GAK: variants seen among roughly 807,000 people sequenced by gnomAD.
GAK encodes cyclin G associated kinase, also known as cyclin-G-associated kinase.
GAK carries 79 observed loss-of-function variants against 143.9 expected under a neutral mutation model. That is an observed-to-expected ratio of 0.55 (90% CI 0.46 to 0.66). GAK has a LOEUF of 0.66. Ranked by LOEUF, GAK falls within the 30% of genes least tolerant of loss-of-function variation. GAK has a pLI of 0.00. For missense variants in GAK, 1,693 were observed against 1,779.7 expected (o/e 0.95, Z 0.88); for synonymous variants, 881 against 765.5 (o/e 1.15, Z -2.49).
At chr4:859,317 T>C in intron 24 of GAK, 1 of 1,355,702 alleles carries the variant, frequency 7.4e-7, no homozygotes, top group Non-Finnish European at 9.7e-7. Context: ...AGACCCCGCC[T>C]CCCCGATGGC....
intron 24 of GAK, chr4:853,565 C>G (rs1386460804): frequency 6.6e-6 from 1 of 151,818 alleles, no homozygotes; most frequent in African/African-American, 2.4e-5. Context: ...GTCCCCCCGG[C>G]AAGGCGTGAG....
chr4:888,682 C>G (rs1005187879), intron 11 of GAK, 165 bp downstream of exon 11: 5 of 787,140 alleles, frequency 6.4e-6, no homozygotes, highest in Non-Finnish European at 9.8e-6. Flanking sequence ...GGATGCTGGG[C>G]TCATTCCGAC....
intron 25 of GAK, 195 bp from the exon 26 acceptor site, chr4:851,279 G>A (rs1007272890): frequency 2.6e-5 from 13 of 493,174 alleles, no homozygotes; most frequent in African/African-American, 1.7e-4. Context: ...TACATTTTTT[G>A]TAGAGAGGAG....
At chr4:860,448 G>A (rs1233686599) in intron 23 of GAK, among the ~76,000 whole-genome samples, 1 of 151,792 alleles carries the variant, frequency 6.6e-6, no homozygotes, top group Non-Finnish European at 1.5e-5. Flanking sequence ...TCTATTTGAG[G>A]AAAAAGATGA....
intron 5 of GAK, among the ~76,000 whole-genome samples, chr4:902,001 GC>G: frequency 6.6e-6 from 1 of 152,358 alleles, no homozygotes; most frequent in East Asian, 1.9e-4. Flanking sequence ...ACTGTGGGAG[GC>G]CAAGGCGGGA....
Position 849,338 on chromosome 4 carries a change from A to C in GAK, c.*335T>G, listed in dbSNP as rs1326997048. ...CGGGACTGATTACAAAGTGCGGTGC[A>C]AACACCAGGGCCCATGAGCGCCAGC... On this transcript the variant is annotated 3_prime_UTR_variant, in exon 28 of 28. Coordinates refer to ENST00000314167, the MANE Select transcript of GAK (RefSeq NM_005255.4). 2 of 380,588 alleles carry C rather than the reference A, an allele frequency of 5.3e-6. No homozygotes were observed. The highest frequency in any genetic ancestry group is 9.9e-6 in the Non-Finnish European group (2 of 202,376). The allele number at this position is 380,588 out of a possible 1,614,324, so 23.6% of individuals were successfully genotyped here.
chr4:903,951 G>A lies in GAK; in HGVS notation c.525+686C>T, dbSNP rs113726611. 9.8e-3 allele frequency among the ~76,000 whole-genome samples: 1,489 copies of A among 152,356 alleles called. 26 individuals are homozygous for A. Among genetic ancestry groups the A allele is most frequent in the African/African-American group, 0.033 (1,355 of 41,578 alleles). On this transcript the variant is annotated intron_variant, in intron 5 of 27. Coordinates refer to ENST00000314167, the MANE Select transcript of GAK (RefSeq NM_005255.4). ...GTCGGCAAAGGCCTGTGAGACAGAT[G>A]CTAATTTTCTTCAGGGCTGGAAAAG...
chr4:851,191 G>A (rs1396685443), intron 25 of GAK, 107 bp from the exon 26 acceptor site: 13 of 928,706 alleles, frequency 1.4e-5, no homozygotes, highest in African/African-American at 3.3e-5. Flanking sequence ...TTTGCCTCCC[G>A]GCCTCAAGCG....
At chr4:858,445 G>A (rs563502719) in intron 24 of GAK, among the ~76,000 whole-genome samples, 21 of 152,158 alleles carry the variant, frequency 1.4e-4, no homozygotes, top group African/African-American at 1.7e-4. Flanking sequence ...CCCCAGTGCC[G>A]GCTGCCCAGG....
intron 5 of GAK, among the ~76,000 whole-genome samples, chr4:898,857 C>T (rs2003919): frequency 0.036 from 5,285 of 144,944 alleles, 178 homozygotes; most frequent in East Asian, 0.19. Flanking sequence ...GGCAAGACTC[C>T]GACTCAAAAA....
intron 18 of GAK, among the ~76,000 whole-genome samples, chr4:874,048 G>A (rs1713283527): frequency 6.6e-6 from 1 of 152,112 alleles, no homozygotes; most frequent in African/African-American, 2.4e-5. Context: ...ATCTGCCCTA[G>A]GGATTGGTAC....
intron 5 of GAK, among the ~76,000 whole-genome samples, chr4:899,422 C>T (rs1176469518): frequency 6.6e-6 from 1 of 151,306 alleles, no homozygotes; most frequent in Non-Finnish European, 1.5e-5. Context: ...TCAGTACGGG[C>T]TCCCACAGGC....
rs779520102 is a variant in GAK, at chr4:911,797, T to C, written c.268-10A>G. ...GGCCGGAAAGCTTTTTCTGCAGTTG[T>C]CTTGTTAAAGGAGAACGTACATAAC... On this transcript the variant is annotated splice_polypyrimidine_tract_variant and intron_variant, in intron 3 of 27. Coordinates refer to ENST00000314167, the MANE Select transcript of GAK (RefSeq NM_005255.4). The C allele has an allele frequency of 1.0e-5, 16 of 1,607,816 alleles. No individual in the cohort carries two copies. The South Asian group carries it at 1.8e-4, about 18-fold the overall frequency.
At chr4:855,299 T>C (rs186226190) in intron 24 of GAK, among the ~76,000 whole-genome samples, 1 of 151,916 alleles carries the variant, frequency 6.6e-6, no homozygotes, top group Non-Finnish European at 1.5e-5. Flanking sequence ...GCCCTAGACA[T>C]GTCTGGTCAG....
chr4:913,150 G>C (rs73209872), intron 2 of GAK, among the ~76,000 whole-genome samples: 3 of 152,240 alleles, frequency 2.0e-5, no homozygotes, highest in Non-Finnish European at 4.4e-5. Context: ...TCTCAAAGGC[G>C]GGGCCACCCT....
chr4:866,453 A>C lies in GAK; in HGVS notation c.2954T>G (p.Leu985Arg). The C allele has an allele frequency of 6.2e-7, 1 of 1,614,112 alleles. No individual in the cohort carries two copies. Among genetic ancestry groups the C allele is most frequent in the Non-Finnish European group, 8.5e-7 (1 of 1,179,964 alleles). Residue 985 changes from leucine to arginine, a missense_variant, in exon 22 of 28, where the codon CTC (leucine) becomes CGC (arginine). Transcript: ENST00000314167. ...CSNPDLFGEF[L>R]NSDSVTVPPS... ...TGGGACGGTCACAGAGTCCGAATTG[A>C]GAAATTCGCCGAAGAGATCAGGATT... is the stretch of plus-strand genomic sequence containing the variant.
chr4:893,646 C>T (rs1036184519), intron 8 of GAK, among the ~76,000 whole-genome samples, 157 bp from the exon 9 acceptor site: 8 of 152,192 alleles, frequency 5.3e-5, no homozygotes, highest in South Asian at 2.1e-4. Flanking sequence ...GAACAAAAAC[C>T]GAACAAAATG....
In GAK at chr4:870,867, G is replaced by C. The variant is rs200776520; in HGVS notation, c.2092C>G (p.Pro698Ala). 6.8e-6 allele frequency: 11 copies of C among 1,613,602 alleles called. No individual in the cohort carries two copies. Among genetic ancestry groups the C allele is most frequent in the Non-Finnish European group, 9.3e-6 (11 of 1,179,872 alleles). Residue 698 changes from proline (P) to alanine (A), a missense_variant, in exon 19 of 28, where the codon CCG becomes GCG. Physicochemically the swap from Pro to Ala is conservative, Grantham distance 27. Transcript: ENST00000314167. ...LDACDIQEKY[P>A]DLFQVNLEVE... ...TCCAGGTTCACTTGAAATAAATCCG[G>C]GTATTTTTCTTGAATGTCACACGCG...
intron 1 of GAK, among the ~76,000 whole-genome samples, chr4:920,307 CAAA>C (rs527953136): frequency 8.4e-6 from 1 of 119,666 alleles, no homozygotes. Context: ...AAGTCCATCT[CAAA>C]AAAAAAAAAA....
Sources: gnomAD v4.1 joint callset for allele counts (sites outside exome capture counted in the v4.1 genomes callset) on GRCh38, gnomAD v4.1.1 for gene constraint, MANE v1.5 for transcripts, NCBI Gene and HGNC (gene_info 2026-07-23, HGNC 2026-07-21) for gene names.